INTS10: variants seen among roughly 807,000 people sequenced by gnomAD.
INTS10 encodes integrator complex subunit 10.
INTS10 carries 44 observed loss-of-function variants against 94.4 expected under a neutral mutation model. That is an observed-to-expected ratio of 0.47 (90% CI 0.37 to 0.60). The LOEUF is 0.60. INTS10 is among the 20% of genes least tolerant of loss of function. INTS10 has a pLI of 0.00. For missense variants in INTS10, 797 were observed against 868.7 expected, an observed-to-expected ratio of 0.92 and a Z score of 1.04; for synonymous variants, 341 against 320.7, an observed-to-expected ratio of 1.06 and a Z score of -0.68.
chr8:19,839,358 A>G (rs1349774585), intron 13 of INTS10, among the ~76,000 whole-genome samples: 1 of 152,128 alleles, frequency 6.6e-6, no homozygotes, highest in Non-Finnish European at 1.5e-5. Flanking sequence ...AGGCAAGAAA[A>G]GTGAATAAAG....
chr8:19,823,475 A>T, intron 6 of INTS10, 34 bp downstream of exon 6: 2 of 1,413,264 alleles, frequency 1.4e-6, no homozygotes, highest in East Asian at 2.3e-5. Flanking sequence ...TTACTTAAAT[A>T]GGCTTTAGTA....
In INTS10 at chr8:19,824,055, G is replaced by A. The variant is rs1241200378; in HGVS notation, c.836+11G>A. On this transcript the variant is annotated intron_variant, in intron 7 of 16. Transcript: ENST00000397977. ...GGATAAAGGAAGACGGTAATAAATAGCTTATTTCCAGAATTGCCTATTGAT... is the reference window on the plus strand; with the variant it reads ...GGATAAAGGAAGACGGTAATAAATAACTTATTTCCAGAATTGCCTATTGAT... The A allele has an allele frequency of 1.3e-5, 21 of 1,569,354 alleles. No individual in the cohort carries two copies. The highest frequency in any genetic ancestry group is 4.1e-5 in the African/African-American group (3 of 72,782).
rs75032664 is a variant in INTS10 at position 19,834,914 on chromosome 8, C to G, written c.1530+1593C>G. Among the ~76,000 whole-genome samples the G allele has an allele frequency of 9.5e-3, 1,444 of 152,228 alleles. 10 individuals are homozygous for G. The highest frequency in any genetic ancestry group is 0.014 in the Non-Finnish European group (925 of 68,016). On this transcript the variant is annotated intron_variant, in intron 12 of 16. Transcript: ENST00000397977. Reference sequence around the variant, plus strand: ...CCTGCTTCCCGGATCATAGAAGGGACAAGAGAGCACTGTAGAGTCGCTCTG... The same window carrying G: ...CCTGCTTCCCGGATCATAGAAGGGAGAAGAGAGCACTGTAGAGTCGCTCTG...
chr8:19,833,079 C>A, intron 11 of INTS10, 90 bp from the exon 12 acceptor site: 1 of 1,143,190 alleles, frequency 8.7e-7, no homozygotes, highest in Non-Finnish European at 1.2e-6. Flanking sequence ...GTTGCTTGCT[C>A]GTTGCTTCGT....
chr8:19,822,733 C>T (rs886354881), intron 5 of INTS10, among the ~76,000 whole-genome samples: 2 of 151,814 alleles, frequency 1.3e-5, no homozygotes, highest in Non-Finnish European at 2.9e-5. Context: ...GGGTGGATCA[C>T]GAGGTCAAGA....
At chr8:19,842,375 T>C (rs2068198303) in intron 13 of INTS10, among the ~76,000 whole-genome samples, 1 of 152,182 alleles carries the variant, frequency 6.6e-6, no homozygotes. Flanking sequence ...TCCATTGTTG[T>C]TTACGTGTGT....
intron 8 of INTS10, among the ~76,000 whole-genome samples, chr8:19,825,524 C>A (rs199561033): frequency 1.2e-3 from 169 of 140,000 alleles, no homozygotes; most frequent in South Asian, 1.1e-3. Flanking sequence ...GACTCCATCT[C>A]AAAAAAAAAA....
At chr8:19,822,585 C>A in intron 5 of INTS10, 65 bp downstream of exon 5, 1 of 987,708 alleles carries the variant, frequency 1.0e-6, no homozygotes, top group South Asian at 1.4e-5. Context: ...AGTGTTGGTT[C>A]AGGGATAAGC....
At chr8:19,830,602 A>G (rs1211960616) in intron 10 of INTS10, 43 bp downstream of exon 10, 1 of 1,559,142 alleles carries the variant, frequency 6.4e-7, no homozygotes, top group Non-Finnish European at 8.8e-7. Flanking sequence ...TGTTTTATAT[A>G]AAATCATTAC....
chr8:19,824,499 G>A (rs73206566), intron 7 of INTS10: 16 of 200,056 alleles, frequency 8.0e-5, no homozygotes, highest in Non-Finnish European at 8.8e-5. Flanking sequence ...CTCTAAAAAA[G>A]AAAAAAAAAA....
At chr8:19,818,126 A>C in intron 1 of INTS10, 149 bp from the exon 2 acceptor site, 1 of 758,260 alleles carries the variant, frequency 1.3e-6, no homozygotes, top group Non-Finnish European at 2.4e-6. Flanking sequence ...GCCCAATGGC[A>C]AGTCTGCCAT....
chr8:19,845,854 A>G, intron 16 of INTS10, 57 bp downstream of exon 16: 1 of 1,226,820 alleles, frequency 8.2e-7, no homozygotes, highest in Non-Finnish European at 1.2e-6. Flanking sequence ...GTGTCTTTGT[A>G]TGAAGTATTT....
Position 19,820,379 on chromosome 8 carries a change from G to A in INTS10, c.302G>A (p.Ser101Asn), listed in dbSNP as rs908907041. The change falls in exon 4 of 17, where the codon AGT (serine) becomes AAT (asparagine). Residue 101 changes from serine to asparagine, a missense_variant and splice_region_variant. Ser to Asn is a conservative substitution (Grantham distance 46). Transcript: ENST00000397977. ...TAAAAGTGAAATATGTTTCGTACAG[G>A]TTTATTTGAAACTCTTCCTGGTCGG... ...SQDKQTQFLR[S>N]LFETLPGRVQ... 3 of 1,608,672 alleles carry A rather than the reference G, an allele frequency of 1.9e-6. No homozygotes were observed. The African/African-American group carries it at 4.0e-5, about 22-fold the overall frequency.
Position 19,818,294 on chromosome 8 carries a change from A to G in INTS10, c.149A>G (p.Glu50Gly), listed in dbSNP as rs1181273669. 12 of 1,614,184 alleles carry G rather than the reference A, an allele frequency of 7.4e-6. No individual in the cohort carries two copies. Among genetic ancestry groups the G allele is most frequent in the Non-Finnish European group, 1.0e-5 (12 of 1,180,032 alleles). The change falls in exon 2 of 17, where the codon GAG (glutamate) becomes GGG (glycine). Residue 50 changes from glutamate (E) to glycine (G), a missense_variant. Glu to Gly is a moderately conservative substitution (Grantham distance 98). Transcript: ENST00000397977. The stretch of plus-strand genomic sequence containing the variant: ...TTGCAGTATGAGATGTACACCATCG[A>G]GCGGAATGCAGAGCGGACCGCCACC... ...FNIQYEMYTI[E>G]RNAERTATAG... is the part of the protein sequence containing the mutation.
intron 9 of INTS10, among the ~76,000 whole-genome samples, chr8:19,827,242 T>A (rs1314679009): frequency 6.6e-6 from 1 of 152,158 alleles, no homozygotes; most frequent in Non-Finnish European, 1.5e-5. Flanking sequence ...GTTGAAGCTG[T>A]GCTCTGTGGT....
chr8:19,825,474 T>C (rs2066720713), intron 8 of INTS10, among the ~76,000 whole-genome samples: 1 of 150,068 alleles, frequency 6.7e-6, no homozygotes, highest in South Asian at 2.1e-4. Context: ...TGCAGTGAGC[T>C]GAGGTCGCAC....
intron 9 of INTS10, among the ~76,000 whole-genome samples, chr8:19,829,389 G>A (rs1350726176): frequency 6.6e-6 from 1 of 150,456 alleles, no homozygotes; most frequent in East Asian, 1.9e-4. Context: ...CAAAACATCT[G>A]ACTCTACCCA....
intron 10 of INTS10, among the ~76,000 whole-genome samples, chr8:19,830,933 A>G (rs888648947): frequency 3.5e-4 from 54 of 152,292 alleles, no homozygotes; most frequent in Middle Eastern, 3.4e-3. Flanking sequence ...TGGCCTCCCA[A>G]AGTGCTGGGA....
At chr8:19,824,279 G>A (rs2128759946) in intron 7 of INTS10, 1 of 327,684 alleles carries the variant, frequency 3.1e-6, no homozygotes. Context: ...ATCACTTGAG[G>A]TCAGGAGTTC....
Sources: allele counts gnomAD v4.1 joint callset (sites outside exome capture counted in the v4.1 genomes callset), GRCh38; gene constraint gnomAD v4.1.1; transcripts MANE v1.5; gene names NCBI Gene and HGNC (gene_info 2026-07-23, HGNC 2026-07-21).